The following PREX1 variants were observed in gnomAD, a reference collection of about 807,000 sequenced individuals.
PREX1 encodes phosphatidylinositol 3,4,5-trisphosphate-dependent Rac exchanger 1 protein.
Under a neutral mutation model 198.3 loss-of-function variants are expected in PREX1, and 41 were observed. The observed-to-expected ratio is 0.21, with a 90% CI of 0.16 to 0.27. The LOEUF (loss-of-function observed/expected upper bound fraction) is 0.27. Among genes scored for constraint, PREX1 ranks in the 10% least tolerant of loss-of-function variants. PREX1 has a pLI of 1.00. For synonymous variants in PREX1, 843 were observed against 887.2 expected, an observed-to-expected ratio of 0.95 and a Z score of 0.89; for missense variants, 1,620 against 2,200.7, an observed-to-expected ratio of 0.74 and a Z score of 5.28.
At chr20:48,718,690 A>G (rs1337730001) in intron 5 of PREX1, among the ~76,000 whole-genome samples, 2 of 152,350 alleles carry the variant, frequency 1.3e-5, no homozygotes, top group East Asian at 3.9e-4. Context: ...AAGGAGAAAT[A>G]AGATATTTCA....
chr20:48,809,647 G>A (rs756867689), intron 1 of PREX1, among the ~76,000 whole-genome samples: 2 of 152,200 alleles, frequency 1.3e-5, no homozygotes, highest in Non-Finnish European at 2.9e-5. Context: ...TTCAAGATGA[G>A]GGAGAAACGA....
chr20:48,652,547 C>T, intron 21 of PREX1, 39 bp downstream of exon 21: 1 of 1,565,102 alleles, frequency 6.4e-7, no homozygotes. Flanking sequence ...AGTCTCAGTC[C>T]CTCTGGAAGC....
chr20:48,885,924 G>A, the PREX1 span, among the ~76,000 whole-genome samples: 13 of 152,104 alleles, frequency 8.5e-5, no homozygotes, highest in Non-Finnish European at 1.2e-4. Context: ...GAGATGAATA[G>A]TTGGAGCACA....
Position 48,639,841 on chromosome 20 carries a change from T to G in PREX1, c.3829A>C (p.Ser1277Arg). The change falls in exon 30 of 40, where the codon AGC becomes CGC. Residue 1277 changes from serine (S) to arginine (R), a missense_variant. Physicochemically the swap from Ser to Arg is moderately radical, Grantham distance 110. Coordinates refer to ENST00000371941, the MANE Select transcript of PREX1 (RefSeq NM_020820.4). ...TIRGRSLIQI[S>R]IQEDPWNLPN... ...AGGTTCCAGGGGTCCTCCTGGATGC[T>G]AATCTGGATCAGGCTCCGGCCACGG... 6.2e-7 allele frequency: 1 copy of G among 1,614,078 alleles called. No individual in the cohort carries two copies. Among genetic ancestry groups the G allele is most frequent in the Non-Finnish European group, 8.5e-7 (1 of 1,179,960 alleles).
intron 19 of PREX1, 63 bp from the exon 20 acceptor site, chr20:48,653,560 T>C (rs954105979): frequency 1.9e-6 from 3 of 1,563,844 alleles, no homozygotes; most frequent in South Asian, 1.1e-5. Context: ...CGCTGAACAC[T>C]GTCCCCCACC....
the PREX1 span, among the ~76,000 whole-genome samples, chr20:48,833,617 T>C: frequency 2.6e-5 from 4 of 151,938 alleles, no homozygotes; most frequent in Non-Finnish European, 4.4e-5. Context: ...AATTTTTGTG[T>C]TTTTAGTAGA....
At chr20:48,690,134 T>C (rs2089810200) in intron 9 of PREX1, among the ~76,000 whole-genome samples, 1 of 152,092 alleles carries the variant, frequency 6.6e-6, no homozygotes, top group African/African-American at 2.4e-5. Flanking sequence ...AGCTATGATT[T>C]AGACACAGCA....
chr20:48,842,818 C>T, the PREX1 span, among the ~76,000 whole-genome samples: 1 of 151,806 alleles, frequency 6.6e-6, no homozygotes, highest in South Asian at 2.1e-4. Flanking sequence ...GTTTTTGCAT[C>T]TATAAATGGG....
chr20:48,880,315 C>T, the PREX1 span, among the ~76,000 whole-genome samples: 1 of 152,172 alleles, frequency 6.6e-6, no homozygotes, highest in African/African-American at 2.4e-5. Context: ...GTATTGTGTT[C>T]AGCTGCTGGT....
intron 7 of PREX1, among the ~76,000 whole-genome samples, chr20:48,699,381 C>T (rs540704747): frequency 5.9e-4 from 90 of 152,284 alleles, no homozygotes; most frequent in Admixed American, 1.6e-3. Context: ...CAGGGGTCAG[C>T]TGAGACCATC....
At chr20:48,752,096 C>G (rs950429835) in intron 1 of PREX1, among the ~76,000 whole-genome samples, 1 of 152,156 alleles carries the variant, frequency 6.6e-6, no homozygotes, top group African/African-American at 2.4e-5. Flanking sequence ...GCAGTATGCA[C>G]TCGAGATTAG....
chr20:48,700,625 C>G, intron 7 of PREX1, 128 bp downstream of exon 7: 1 of 1,251,444 alleles, frequency 8.0e-7, no homozygotes, highest in Non-Finnish European at 1.1e-6. Flanking sequence ...TCCTACTAGA[C>G]AGCACTGATG....
chr20:48,887,818 C>A, the PREX1 span, among the ~76,000 whole-genome samples: 1 of 151,658 alleles, frequency 6.6e-6, no homozygotes, highest in Non-Finnish European at 1.5e-5. Context: ...GGCGTGGTGG[C>A]GGGCTCCTGT....
Position 48,639,737 on chromosome 20 carries a change from AC to A in PREX1, c.3904+28del, listed in dbSNP as rs2089393622. On this transcript the variant is annotated intron_variant, in intron 30 of 39. Coordinates refer to ENST00000371941, the MANE Select transcript of PREX1 (RefSeq NM_020820.4). Reference sequence around the variant, plus strand: ...CACCAAAAGCCATGGCCCCCTCCCCACCATGATGCACCCTCCCTGCCCACCG... The same window carrying A: ...CACCAAAAGCCATGGCCCCCTCCCCACATGATGCACCCTCCCTGCCCACCG... The A allele has an allele frequency of 1.9e-6, 3 of 1,610,452 alleles. No homozygotes were observed. The East Asian group carries it at 6.7e-5, about 36-fold the overall frequency.
intron 1 of PREX1, among the ~76,000 whole-genome samples, chr20:48,816,072 C>T (rs576738558): frequency 6.7e-6 from 1 of 149,402 alleles, no homozygotes; most frequent in Admixed American, 6.7e-5. Context: ...GGTCTGTGTA[C>T]TGTGTTGGAG....
At position 48,642,251 on chromosome 20, in the gene PREX1, G is replaced by C. The variant is rs1209235472; in HGVS notation, c.3692C>G (p.Ser1231Cys). The C allele has an allele frequency of 1.9e-6, 3 of 1,614,222 alleles. No homozygotes were observed. The highest frequency in any genetic ancestry group is 2.5e-6 in the Non-Finnish European group (3 of 1,180,030). Residue 1231 changes from serine to cysteine, a missense_variant, in exon 29 of 40, where the codon TCC (serine) becomes TGC (cysteine). By Grantham distance (112) the Ser-to-Cys change is moderately radical. This residue lies in a region of PREX1 where 476 missense variants were observed against 603.4 expected (regional missense o/e 0.79). Coordinates refer to ENST00000371941, the MANE Select transcript of PREX1 (RefSeq NM_020820.4). The stretch of plus-strand genomic sequence containing the variant: ...TGGCCCCTTGAGGAGAGCATTGATG[G>C]AGTCCACCTGGGTGGCAAGAAGCCT... ...CLEHLFNQVD[S>C]INALLKGPVM... is the part of the protein sequence containing the mutation.
At chr20:48,750,682 CTCT>C (rs1433049397) in intron 1 of PREX1, among the ~76,000 whole-genome samples, 2 of 152,200 alleles carry the variant, frequency 1.3e-5, no homozygotes, top group African/African-American at 4.8e-5. Flanking sequence ...AGAGGCCCTC[CTCT>C]TCTTAATGCA....
At chr20:48,668,612 G>A (rs1160004856) in intron 14 of PREX1, among the ~76,000 whole-genome samples, 1 of 152,220 alleles carries the variant, frequency 6.6e-6, no homozygotes, top group Admixed American at 6.5e-5. Context: ...GCTATTCAGA[G>A]GCAGCAGGAC....
intron 1 of PREX1, chr20:48,821,749 G>A (rs2090486334): frequency 2.0e-5 from 3 of 152,202 alleles, no homozygotes; most frequent in Admixed American, 6.5e-5. Flanking sequence ...TCAGCTCTCT[G>A]GCCTGATAAA....
Sources: gnomAD v4.1 joint callset for allele counts (sites outside exome capture counted in the v4.1 genomes callset) on GRCh38, gnomAD v4.1.1 for gene constraint, gnomAD v4.1.1 regional missense constraint, MANE v1.5 for transcripts, NCBI Gene and HGNC (gene_info 2026-07-23, HGNC 2026-07-21) for gene names.